The following RADIL variants were observed in gnomAD, a reference collection of about 807,000 sequenced individuals.
The protein encoded by RADIL is ras-associating and dilute domain-containing protein.
RADIL carries 99 observed loss-of-function variants against 97.6 expected under a neutral mutation model. That is an observed-to-expected ratio of 1.01 (90% CI 0.86 to 1.20). RADIL has a LOEUF of 1.20. RADIL is among the 50% of genes most tolerant of loss of function. The probability of loss-of-function intolerance (pLI) is 0.00; values close to 1 mark genes in which losing one functional copy is unlikely to be tolerated. For missense variants in RADIL, 1,765 were observed against 1,498.9 expected (o/e 1.18, Z -2.93); for synonymous variants, 803 against 691.8 (o/e 1.16, Z -2.52).
chr7:4,856,860 G>A (rs1185710405), intron 2 of RADIL, among the ~76,000 whole-genome samples: 2 of 152,174 alleles, frequency 1.3e-5, no homozygotes, highest in African/African-American at 2.4e-5. Flanking sequence ...TGAGAAATCC[G>A]GCCCTGGCCA....
At chr7:4,861,778 T>C in intron 2 of RADIL, 1 of 1,487,118 alleles carries the variant, frequency 6.7e-7, no homozygotes, top group South Asian at 1.4e-5. Flanking sequence ...CCGGCTGCGG[T>C]GGTCCCTGGG....
rs932493209 is a variant in RADIL, at chr7:4,835,019, C to T, written c.1004G>A (p.Arg335Lys). ...GTCCCCGTGGTGCAGCACCACGGTC[C>T]TGTGCCCCACCTCGGAGAAGTTGAC... ...ISVNFSEVGH[R>K]TVVLHHGDLL... Residue 335 changes from arginine (R) to lysine (K), a missense_variant, in exon 4 of 15, where the codon AGG (arginine) becomes AAG (lysine). Physicochemically the swap from Arg to Lys is conservative, Grantham distance 26. Transcript: ENST00000399583. The surrounding 1 kb of genome is among the most constrained non-coding windows in gnomAD (Gnocchi z 5.8). The T allele has an allele frequency of 1.2e-6, 2 of 1,611,236 alleles. No homozygotes were observed. Among genetic ancestry groups the T allele is most frequent in the African/African-American group, 2.7e-5 (2 of 74,882 alleles).
intron 5 of RADIL, among the ~76,000 whole-genome samples, chr7:4,827,386 G>T (rs78737390): frequency 6.8e-6 from 1 of 147,330 alleles, no homozygotes; most frequent in East Asian, 2.1e-4. Flanking sequence ...AGGGCCGGGT[G>T]CGGTGGCTCA....
chr7:4,866,108 G>C lies in RADIL; in HGVS notation c.535+11497C>G, dbSNP rs540413887. On this transcript the variant is annotated intron_variant, in intron 2 of 14. Coordinates refer to ENST00000399583, the MANE Select transcript of RADIL (RefSeq NM_018059.5). The stretch of plus-strand genomic sequence containing the variant: ...ATGCATGACTGTATATGTTTTTTGA[G>C]TGATTATATCTGTGTGTGTGCGTGT... Among the ~76,000 whole-genome samples the C allele has an allele frequency of 1.8e-3, 279 of 152,212 alleles. 2 individuals carry two copies. The highest frequency in any genetic ancestry group is 6.3e-3 in the African/African-American group (262 of 41,538).
chr7:4,809,006 C>A, intron 9 of RADIL: 3 of 699,728 alleles, frequency 4.3e-6, no homozygotes, highest in Non-Finnish European at 1.6e-6. Flanking sequence ...CGTCCCCTTC[C>A]GACGCCACTG....
rs1203361521 is a variant in RADIL, at chr7:4,814,322, CT to C, written c.2139+955del. On this transcript the variant is annotated intron_variant, in intron 9 of 14. Transcript: ENST00000399583. This position sits in a 1 kb window ranked among gnomAD's most constrained non-coding sequence, Gnocchi z 4.5. The stretch of plus-strand genomic sequence containing the variant: ...TTCTACAGTCAATAAAAATGCTTCA[CT>C]TTTTTTTTCTTTTGAGACAGGGCCT... Among the ~76,000 whole-genome samples, 2 of 151,706 alleles carry C rather than the reference CT, an allele frequency of 1.3e-5. No homozygotes were observed. The highest frequency in any genetic ancestry group is 6.6e-5 in the Admixed American group (1 of 15,202).
At chr7:4,828,494 T>A (rs961258276) in intron 5 of RADIL, among the ~76,000 whole-genome samples, 1 of 152,220 alleles carries the variant, frequency 6.6e-6, no homozygotes, top group Non-Finnish European at 1.5e-5. Context: ...CACTCCACAT[T>A]AACAGATTAA....
intron 2 of RADIL, chr7:4,857,966 A>G (rs925424667): frequency 6.6e-6 from 1 of 152,664 alleles, no homozygotes; most frequent in East Asian, 1.9e-4. Context: ...AATGTTTAAT[A>G]AACTAATTTT....
At chr7:4,804,923 G>A (rs772011896) in intron 10 of RADIL, among the ~76,000 whole-genome samples, 11 of 151,860 alleles carry the variant, frequency 7.2e-5, no homozygotes, top group Admixed American at 1.3e-4. Context: ...GGTGAAACCC[G>A]TCTCTACTAA....
rs1022368041 is a variant in RADIL at position 4,873,706 on chromosome 7, C to T, written c.535+3899G>A. On this transcript the variant is annotated intron_variant, in intron 2 of 14. Transcript: ENST00000399583. This position sits in a 1 kb window ranked among gnomAD's most constrained non-coding sequence, Gnocchi z 4.3. ...GACACATGCCCCACACTGAGGGCCA[C>T]TCTCAGGACAAACAGACACCACAGC... 6.6e-6 allele frequency among the ~76,000 whole-genome samples: 1 copy of T among 152,254 alleles called. No homozygotes were observed. Among genetic ancestry groups the T allele is most frequent in the Non-Finnish European group, 1.5e-5 (1 of 68,040 alleles).
At chr7:4,800,130 C>CTTGCATG in intron 13 of RADIL, 41 bp downstream of exon 13, 2 of 1,577,778 alleles carry the variant, frequency 1.3e-6, no homozygotes, top group Admixed American at 1.8e-5. Flanking sequence ...CGGGGCCAGG[C>CTTGCATG]AGCCAGTATG....
In RADIL at chr7:4,801,743, C is replaced by A. The variant is rs934790366; in HGVS notation, c.2752G>T (p.Asp918Tyr). The A allele has an allele frequency of 1.9e-6, 3 of 1,610,370 alleles. No individual in the cohort carries two copies. The highest frequency in any genetic ancestry group is 2.5e-6 in the Non-Finnish European group (3 of 1,179,080). The change falls in exon 12 of 15, where the codon GAC (aspartate) becomes TAC (tyrosine). Residue 918 changes from aspartate (D) to tyrosine (Y), a missense_variant. Physicochemically the swap from Asp to Tyr is radical, Grantham distance 160. Coordinates refer to ENST00000399583, the MANE Select transcript of RADIL (RefSeq NM_018059.5). ...TPLGPEPGDP[D>Y]WPESGGPCGK... ...CAGGGGCCGCCGGACTCTGGCCAGT[C>A]GGGGTCCCCAGGCTCAGGGCCAAGT...
Position 4,822,307 on chromosome 7 carries a change from C to T in RADIL, c.1615+87G>A. 1 of 1,429,992 alleles carries T rather than the reference C, an allele frequency of 7.0e-7. No individual in the cohort carries two copies. Among genetic ancestry groups the T allele is most frequent in the Non-Finnish European group, 9.4e-7 (1 of 1,068,752 alleles). 88.6% of individuals were successfully genotyped at this position (1,429,992 alleles called of 1,614,324 possible). ...ATGAATCCACCCCTGCTATCATGGC[C>T]AACTAGGTTCCGAGGACGGCGAGGA... On this transcript the variant is annotated intron_variant, in intron 6 of 14. Coordinates refer to ENST00000399583, the MANE Select transcript of RADIL (RefSeq NM_018059.5). The surrounding 1 kb of genome is among the most constrained non-coding windows in gnomAD (Gnocchi z 5.3).
intron 11 of RADIL, among the ~76,000 whole-genome samples, chr7:4,803,237 G>A (rs1583258503): frequency 1.0e-5 from 1 of 96,472 alleles, no homozygotes; most frequent in East Asian, 3.3e-4. Context: ...CCCCCTCCCC[G>A]GGCACCTCAG....
At chr7:4,855,211 A>G (rs1193139505) in intron 2 of RADIL, among the ~76,000 whole-genome samples, 1 of 152,156 alleles carries the variant, frequency 6.6e-6, no homozygotes, top group East Asian at 1.9e-4. Context: ...CGGCTACTAC[A>G]AAACGTTGAC....
rs1185168422 is a variant in RADIL, at chr7:4,879,764, G to A, written c.-64-1561C>T. ...ACACTGTCCCTTAGGAAACTAAACA[G>A]TGGAACCGCCCCAGCCTCCAAAGCT... On this transcript the variant is annotated intron_variant, in intron 1 of 14. Coordinates refer to ENST00000399583, the MANE Select transcript of RADIL (RefSeq NM_018059.5). The surrounding 1 kb of genome is among the most constrained non-coding windows in gnomAD (Gnocchi z 4.1). Among the ~76,000 whole-genome samples, 1 of 152,176 alleles carries A rather than the reference G, an allele frequency of 6.6e-6. No individual in the cohort carries two copies. The highest frequency in any genetic ancestry group is 1.9e-4 in the East Asian group (1 of 5,196).
rs1438308310 is a variant in RADIL at position 4,815,418 on chromosome 7, C to T, written c.1999G>A (p.Gly667Ser). 6.5e-7 allele frequency: 1 copy of T among 1,548,588 alleles called. No homozygotes were observed. The highest frequency in any genetic ancestry group is 8.7e-7 in the Non-Finnish European group (1 of 1,145,010). Reference sequence around the variant, plus strand: ...TGCAGGCGGGCGCAGGCCTGGACACCTCTGGGCCAGTGGAAGCAGCTCAGG... The same window carrying T: ...TGCAGGCGGGCGCAGGCCTGGACACTTCTGGGCCAGTGGAAGCAGCTCAGG... ...PSLSCFHWPR[G>S]VQACARLQQL... The change falls in exon 9 of 15, where the codon GGT becomes AGT. Residue 667 changes from glycine to serine, a missense_variant. By Grantham distance (56) the Gly-to-Ser change is moderately conservative. Transcript: ENST00000399583. This position sits in a 1 kb window ranked among gnomAD's most constrained non-coding sequence, Gnocchi z 8.0.
chr7:4,873,348 C>T lies in RADIL; in HGVS notation c.535+4257G>A, dbSNP rs1784297854. On this transcript the variant is annotated intron_variant, in intron 2 of 14. Coordinates refer to ENST00000399583, the MANE Select transcript of RADIL (RefSeq NM_018059.5). The surrounding 1 kb of genome is among the most constrained non-coding windows in gnomAD (Gnocchi z 4.3). ...ACGTACATGGTCACACATGCATGCACACACATGCACACCACACAGACACAC... is the reference window on the plus strand; with the variant it reads ...ACGTACATGGTCACACATGCATGCATACACATGCACACCACACAGACACAC... Among the ~76,000 whole-genome samples the T allele has an allele frequency of 6.6e-6, 1 of 152,176 alleles. No individual in the cohort carries two copies. The highest frequency in any genetic ancestry group is 6.5e-5 in the Admixed American group (1 of 15,282).
chr7:4,835,234 G>T lies in RADIL; in HGVS notation c.789C>A (p.Ser263Arg). ...GGTCCCGGTTGAGCACATACACCAG[G>T]CTGTCCTGAAACAGAGACTCCGCTC... ...LLQGYSQQHD[S>R]LVYVLNRDRH... The change falls in exon 4 of 15, where the codon AGC becomes AGA. Residue 263 changes from serine to arginine, a missense_variant. Coordinates refer to ENST00000399583, the MANE Select transcript of RADIL (RefSeq NM_018059.5). The surrounding 1 kb of genome is among the most constrained non-coding windows in gnomAD (Gnocchi z 5.8). 1.2e-6 allele frequency: 2 copies of T among 1,609,266 alleles called. No homozygotes were observed. The highest frequency in any genetic ancestry group is 1.1e-5 in the South Asian group (1 of 91,000).
Sources: gnomAD v4.1 joint callset for allele counts (sites outside exome capture counted in the v4.1 genomes callset) on GRCh38, gnomAD v4.1.1 for gene constraint, Gnocchi (gnomAD v3.1) non-coding constraint, MANE v1.5 for transcripts, NCBI Gene and HGNC (gene_info 2026-07-23, HGNC 2026-07-21) for gene names.